Variants in SYT9 observed in about 807,000 individuals in gnomAD.
SYT9 encodes synaptotagmin-9.
In SYT9, 22 loss-of-function variants were observed where a neutral mutation model predicts 48.4. That is an observed-to-expected ratio of 0.45 (90% CI 0.32 to 0.65). SYT9 has a LOEUF of 0.65. SYT9 is among the 30% of genes least tolerant of loss of function. SYT9 has a pLI of 0.03. For missense variants in SYT9, 577 were observed against 622.0 expected (o/e 0.93, Z 0.77); for synonymous variants, 265 against 245.0 (o/e 1.08, Z -0.76).
intron 6 of SYT9, among the ~76,000 whole-genome samples, chr11:7,434,546 G>C (rs1443340635): frequency 6.6e-6 from 1 of 152,112 alleles, no homozygotes; most frequent in Non-Finnish European, 1.5e-5. Context: ...GTGGAAGCTG[G>C]ACTCACTTTG....
chr11:7,277,300 G>C (rs556156722), intron 1 of SYT9, among the ~76,000 whole-genome samples: 2 of 152,022 alleles, frequency 1.3e-5, no homozygotes, highest in African/African-American at 4.8e-5. Flanking sequence ...TCAAGTTATG[G>C]CATAAAATTA....
chr11:7,411,294 A>G (rs893254838), intron 3 of SYT9, among the ~76,000 whole-genome samples: 1 of 151,820 alleles, frequency 6.6e-6, no homozygotes, highest in Non-Finnish European at 1.5e-5. Context: ...GTACCATTTG[A>G]ATTCTTTCTC....
At chr11:7,454,990 G>C (rs1848122125) in intron 6 of SYT9, among the ~76,000 whole-genome samples, 2 of 152,210 alleles carry the variant, frequency 1.3e-5, no homozygotes, top group Non-Finnish European at 2.9e-5. Flanking sequence ...ACACAGATGA[G>C]AGAAAACGAA....
At chr11:7,249,437 A>G (rs1353811500), upstream of SYT9, among the ~76,000 whole-genome samples, 1 of 152,214 alleles carries the variant, frequency 6.6e-6, no homozygotes, top group Non-Finnish European at 1.5e-5. Flanking sequence ...CTCCAAAAGG[A>G]CACATGGAAT....
At chr11:7,457,184 C>T (rs1378091698) in intron 6 of SYT9, 1 of 152,232 alleles carries the variant, frequency 6.6e-6, no homozygotes, top group East Asian at 1.9e-4. Flanking sequence ...TTAACTTTTT[C>T]TTGTGCTGTC....
At chr11:7,436,619 T>TG (rs1847716006) in intron 6 of SYT9, among the ~76,000 whole-genome samples, 1 of 151,266 alleles carries the variant, frequency 6.6e-6, no homozygotes, top group Non-Finnish European at 1.5e-5. Context: ...CCAGTTGGTT[T>TG]TTTTGTTTGT....
At chr11:7,323,976 T>C (rs1210372135) in intron 3 of SYT9, among the ~76,000 whole-genome samples, 1 of 151,954 alleles carries the variant, frequency 6.6e-6, no homozygotes, top group Non-Finnish European at 1.5e-5. Flanking sequence ...TTTCCTAGTC[T>C]CTTAAAGATT....
chr11:7,348,011 G>C (rs944230359), intron 3 of SYT9, among the ~76,000 whole-genome samples: 4 of 152,172 alleles, frequency 2.6e-5, no homozygotes, highest in Non-Finnish European at 5.9e-5. Flanking sequence ...TGAGGGGAAG[G>C]GGGAGACATC....
At chr11:7,444,865 G>T (rs1847899102) in intron 6 of SYT9, among the ~76,000 whole-genome samples, 1 of 152,188 alleles carries the variant, frequency 6.6e-6, no homozygotes, top group Admixed American at 6.5e-5. Context: ...CAGACAAGAG[G>T]GTGGCTTGTT....
chr11:7,324,692 A>G (rs1271110833), intron 3 of SYT9, among the ~76,000 whole-genome samples: 1 of 151,872 alleles, frequency 6.6e-6, no homozygotes, highest in African/African-American at 2.4e-5. Flanking sequence ...TTCATATTGC[A>G]TAGTTTTTTT....
chr11:7,442,164 C>T (rs1847840159), intron 6 of SYT9, among the ~76,000 whole-genome samples: 1 of 152,094 alleles, frequency 6.6e-6, no homozygotes, highest in Non-Finnish European at 1.5e-5. Context: ...CGCCTCCTGC[C>T]ATGTCTCTGC....
rs1266303597 is a variant in SYT9, at chr11:7,420,572, C to T, written c.1404C>T (p.Asp468=). 1.2e-6 allele frequency: 2 copies of T among 1,614,182 alleles called. No homozygotes were observed. Among genetic ancestry groups the T allele is most frequent in the East Asian group, 4.5e-5 (2 of 44,890 alleles). The change falls in exon 6 of 7, where the codon GAC becomes GAT. Residue 468 remains aspartate (D), a synonymous_variant. Transcript: ENST00000318881. ...VGNEAERLGR[D]HWSEMLSYPR... ...ACGAGGCTGAGAGGCTGGGCAGAGA[C>T]CACTGGAGTGAAATGTTGTCATATC...
chr11:7,467,051 G>A lies in SYT9; in HGVS notation c.*251G>A, dbSNP rs991380345. On this transcript the variant is annotated 3_prime_UTR_variant, in exon 7 of 7. Coordinates refer to ENST00000318881, the MANE Select transcript of SYT9 (RefSeq NM_175733.4). ...GTCTCTCATGCCAAGAACCAAGATC[G>A]GACTATGAACAAAAACAAATGATAG... is the stretch of plus-strand genomic sequence containing the variant. 18 of 517,698 alleles carry A rather than the reference G, an allele frequency of 3.5e-5. No individual in the cohort carries two copies. The Admixed American group carries it at 4.2e-4, about 12-fold the overall frequency. 32.1% of individuals were successfully genotyped at this position (517,698 alleles called of 1,614,324 possible).
chr11:7,362,141 TA>T (rs1350073804), intron 3 of SYT9, among the ~76,000 whole-genome samples: 11 of 134,300 alleles, frequency 8.2e-5, no homozygotes, highest in Non-Finnish European at 1.4e-4. Context: ...TATTTTATTT[TA>T]TTTTTTTTTT....
chr11:7,408,771 T>C (rs1025177681), intron 3 of SYT9, among the ~76,000 whole-genome samples: 29 of 152,272 alleles, frequency 1.9e-4, no homozygotes, highest in African/African-American at 7.0e-4. Flanking sequence ...AGCAAAGAAA[T>C]GGTTGACTTC....
At chr11:7,345,264 G>C (rs532195734) in intron 3 of SYT9, among the ~76,000 whole-genome samples, 1 of 152,316 alleles carries the variant, frequency 6.6e-6, no homozygotes, top group East Asian at 1.9e-4. Context: ...GTTTTCACCT[G>C]TCTGTACTGT....
At chr11:7,438,995 G>A (rs1315458115) in intron 6 of SYT9, 1 of 152,130 alleles carries the variant, frequency 6.6e-6, no homozygotes, top group East Asian at 1.9e-4. Flanking sequence ...AGCTCTAAAG[G>A]ACCCAAAGGT....
rs551738421 is a variant in SYT9 at position 7,331,391 on chromosome 11, T to G, written c.1044+17450T>G. Among the ~76,000 whole-genome samples the G allele has an allele frequency of 4.6e-5, 7 of 151,912 alleles. No individual in the cohort carries two copies. In the South Asian group the frequency reaches 1.5e-3, roughly 32 times the overall value. ...ACCAATTACCTTCTATTATTTCAGC[T>G]AATTCTCTCTAATTGTATGTATTGT... is the stretch of plus-strand genomic sequence containing the variant. On this transcript the variant is annotated intron_variant, in intron 3 of 6. Transcript: ENST00000318881.
chr11:7,333,250 T>G (rs1849573724), intron 3 of SYT9, among the ~76,000 whole-genome samples: 1 of 152,154 alleles, frequency 6.6e-6, no homozygotes. Context: ...GGAAGCTGTT[T>G]TGGAAAGTGG....
Sources: allele counts gnomAD v4.1 joint callset (sites outside exome capture counted in the v4.1 genomes callset), GRCh38; gene constraint gnomAD v4.1.1; transcripts MANE v1.5; gene names NCBI Gene and HGNC (gene_info 2026-07-23, HGNC 2026-07-21).